Variants in PTPRK observed in about 807,000 individuals in gnomAD.
PTPRK encodes the protein protein tyrosine phosphatase receptor type K.
Under a neutral mutation model 178.0 loss-of-function variants are expected in PTPRK, and 75 were observed. That is an observed-to-expected ratio of 0.42 (90% CI 0.35 to 0.51). The LOEUF (loss-of-function observed/expected upper bound fraction) is 0.51, where lower values mean the gene tolerates loss of function less well. Among genes scored for constraint, PTPRK ranks in the 20% least tolerant of loss-of-function variants. The pLI is 0.02. For missense variants in PTPRK, 1,441 were observed against 1,797.8 expected (o/e 0.80, Z 3.59); for synonymous variants, 637 against 620.6 (o/e 1.03, Z -0.39).
At chr6:128,253,642 C>G (rs890178548) in intron 3 of PTPRK, among the ~76,000 whole-genome samples, 1 of 152,202 alleles carries the variant, frequency 6.6e-6, no homozygotes, top group African/African-American at 2.4e-5. Flanking sequence ...TCCAATCTTA[C>G]ACATAGCAGA....
intron 2 of PTPRK, among the ~76,000 whole-genome samples, chr6:128,330,058 TTGAG>T (rs1830071380): frequency 6.6e-6 from 1 of 152,162 alleles, no homozygotes; most frequent in Admixed American, 6.5e-5. Flanking sequence ...GCTCTTGGCA[TTGAG>T]TGAGATTTTC....
intron 1 of PTPRK, among the ~76,000 whole-genome samples, chr6:128,465,559 T>C (rs1235900044): frequency 6.6e-6 from 1 of 152,174 alleles, no homozygotes; most frequent in African/African-American, 2.4e-5. Context: ...CAAGCACTAG[T>C]TCACTATTAA....
Position 128,015,219 on chromosome 6 carries a change from C to CAATAA in PTPRK, c.2195-5956_2195-5952dup, listed in dbSNP as rs577465620. Among the ~76,000 whole-genome samples, 40 of 151,348 alleles carry CAATAA rather than the reference C, an allele frequency of 2.6e-4. 1 individual carries two copies. In the South Asian group the frequency reaches 8.1e-3, roughly 31 times the overall value. On this transcript the variant is annotated intron_variant, in intron 13 of 29. Coordinates refer to ENST00000368226, the MANE Select transcript of PTPRK (RefSeq NM_002844.4). Reference sequence around the variant, plus strand: ...GTGACAGAAATACTTTTTAAGAAAGCAATAAAATAAGTATATTTTAGGAAT... The same window carrying CAATAA: ...GTGACAGAAATACTTTTTAAGAAAGCAATAAAATAAAATAAGTATATTTTAGGAAT...
chr6:128,035,606 T>A (rs1172182562), intron 13 of PTPRK, among the ~76,000 whole-genome samples: 7 of 152,110 alleles, frequency 4.6e-5, no homozygotes, highest in Non-Finnish European at 1.0e-4. Flanking sequence ...GAAAAAAAAA[T>A]TCCAAGTTTC....
intron 13 of PTPRK, among the ~76,000 whole-genome samples, chr6:128,041,393 C>T (rs1250110355): frequency 1.3e-5 from 2 of 151,978 alleles, no homozygotes; most frequent in Non-Finnish European, 2.9e-5. Context: ...AGTCACTACA[C>T]TGATAAAGGA....
At chr6:128,294,367 A>G (rs1823909712) in intron 3 of PTPRK, among the ~76,000 whole-genome samples, 1 of 152,020 alleles carries the variant, frequency 6.6e-6, no homozygotes, top group African/African-American at 2.4e-5. Context: ...TGATGCATAA[A>G]GGAGTCCTTC....
At chr6:128,233,058 C>T (rs574008926) in intron 5 of PTPRK, among the ~76,000 whole-genome samples, 13 of 152,348 alleles carry the variant, frequency 8.5e-5, no homozygotes, top group African/African-American at 2.9e-4. Context: ...AGCTTACCTT[C>T]ATTATAATAA....
intron 6 of PTPRK, among the ~76,000 whole-genome samples, chr6:128,218,529 T>C (rs550121981): frequency 6.6e-6 from 1 of 152,276 alleles, no homozygotes; most frequent in Admixed American, 6.5e-5. Context: ...TATATGGAAA[T>C]AGAAACTTGG....
At chr6:128,244,841 G>T (rs896262520) in intron 3 of PTPRK, among the ~76,000 whole-genome samples, 2 of 152,148 alleles carry the variant, frequency 1.3e-5, no homozygotes, top group African/African-American at 4.8e-5. Context: ...AATTTGGGAG[G>T]CTGAGTTTTC....
At chr6:128,297,545 C>G (rs1170003693) in intron 3 of PTPRK, among the ~76,000 whole-genome samples, 4 of 152,194 alleles carry the variant, frequency 2.6e-5, no homozygotes, top group Non-Finnish European at 4.4e-5. Context: ...ACAGTGCAAT[C>G]AAACTAGAAC....
chr6:128,239,027 G>T (rs932050236), intron 5 of PTPRK, among the ~76,000 whole-genome samples: 1 of 150,566 alleles, frequency 6.6e-6, no homozygotes, highest in African/African-American at 2.4e-5. Context: ...ACAACCACCT[G>T]CAAACTAATA....
At chr6:128,510,768 A>G (rs1311975735) in intron 1 of PTPRK, among the ~76,000 whole-genome samples, 1 of 152,114 alleles carries the variant, frequency 6.6e-6, no homozygotes, top group African/African-American at 2.4e-5. Flanking sequence ...AGTCAGGTTT[A>G]TATTTGGAAA....
intron 3 of PTPRK, among the ~76,000 whole-genome samples, chr6:128,256,721 C>T (rs2128291661): frequency 6.6e-6 from 1 of 152,072 alleles, no homozygotes; most frequent in South Asian, 2.1e-4. Flanking sequence ...CAGGCGTAAG[C>T]AACCATGCCC....
At chr6:128,308,446 T>C (rs1249439529) in intron 3 of PTPRK, among the ~76,000 whole-genome samples, 1 of 151,662 alleles carries the variant, frequency 6.6e-6, no homozygotes, top group African/African-American at 2.4e-5. Context: ...GAAAATTAAA[T>C]ACACGAACTG....
At chr6:128,228,183 G>A (rs1811688243) in intron 5 of PTPRK, among the ~76,000 whole-genome samples, 2 of 151,660 alleles carry the variant, frequency 1.3e-5, no homozygotes, top group Admixed American at 1.3e-4. Flanking sequence ...CTACAGTAAA[G>A]TCAACAGATG....
At chr6:128,210,425 T>C (rs1399917004) in intron 6 of PTPRK, among the ~76,000 whole-genome samples, 2 of 133,702 alleles carry the variant, frequency 1.5e-5, no homozygotes, top group East Asian at 2.4e-4. Context: ...TAGAAAATAA[T>C]TGCCATTTGG....
chr6:128,360,917 T>C (rs1328082835), intron 2 of PTPRK, among the ~76,000 whole-genome samples: 1 of 152,148 alleles, frequency 6.6e-6, no homozygotes, highest in Non-Finnish European at 1.5e-5. Context: ...ATAACCTGTG[T>C]CATAATTCAG....
At chr6:128,182,739 A>G (rs1281284215) in intron 7 of PTPRK, among the ~76,000 whole-genome samples, 1 of 152,164 alleles carries the variant, frequency 6.6e-6, no homozygotes, top group Non-Finnish European at 1.5e-5. Context: ...ACATGTTTTT[A>G]TCCACTTAAC....
intron 2 of PTPRK, among the ~76,000 whole-genome samples, chr6:128,373,645 T>G (rs146852722): frequency 7.7e-4 from 118 of 152,302 alleles, no homozygotes; most frequent in African/African-American, 2.8e-3. Flanking sequence ...TGATTTTTCA[T>G]TATGCTAATA....
Sources: allele counts gnomAD v4.1 joint callset (sites outside exome capture counted in the v4.1 genomes callset), GRCh38; gene constraint gnomAD v4.1.1; transcripts MANE v1.5; gene names NCBI Gene and HGNC (gene_info 2026-07-23, HGNC 2026-07-21).